AGBL3: variants seen among roughly 807,000 people sequenced by gnomAD.
The protein encoded by AGBL3 is AGBL carboxypeptidase 3.
A neutral mutation model predicts 94.5 loss-of-function variants in AGBL3; 68 were observed. The observed-to-expected ratio is 0.72, with a 90% confidence interval of 0.59 to 0.88. The LOEUF is 0.88. Among genes scored for constraint, AGBL3 ranks in the 40% least tolerant of loss-of-function variants. The pLI is 0.00. For synonymous variants in AGBL3, 354 were observed against 370.7 expected (o/e 0.95, Z 0.52); for missense variants, 934 against 1,103.8 (o/e 0.85, Z 2.18).
chr7:135,129,096 G>A lies in AGBL3; in HGVS notation c.2343-5745G>A, dbSNP rs1439196530. 8.8e-6 allele frequency: 14 copies of A among 1,591,950 alleles called. No individual in the cohort carries two copies. In the South Asian group the frequency reaches 1.5e-4, roughly 18 times the overall value. On this transcript the variant is annotated intron_variant, in intron 16 of 16. Coordinates refer to ENST00000436302, the MANE Select transcript of AGBL3 (RefSeq NM_178563.4). ...AAAGTGCCCTTCAGTGGCCACTACT[G>A]GTCAGGTCAAAGAGCTAGTGGAAGC...
intron 15 of AGBL3, among the ~76,000 whole-genome samples, chr7:135,087,951 A>C (rs1395657805): frequency 6.6e-6 from 1 of 152,010 alleles, no homozygotes; most frequent in African/African-American, 2.4e-5. Context: ...ATCAAATTCT[A>C]TCTCTCCCTT....
chr7:135,128,552 T>C, intron 16 of AGBL3: 1 of 768,130 alleles, frequency 1.3e-6, no homozygotes, highest in East Asian at 2.4e-5. Flanking sequence ...AACCAGGATC[T>C]ATTTGGATTT....
intron 16 of AGBL3, among the ~76,000 whole-genome samples, chr7:135,118,994 A>G (rs1290470045): frequency 6.6e-6 from 1 of 152,188 alleles, no homozygotes; most frequent in Admixed American, 6.5e-5. Context: ...ATAGGCTTAA[A>G]ATAAAATGAA....
rs571755028 is a variant in AGBL3 at position 135,036,179 on chromosome 7, G to A, written c.1338-1239G>A. Among the ~76,000 whole-genome samples, 18 of 152,154 alleles carry A rather than the reference G, an allele frequency of 1.2e-4. No individual in the cohort carries two copies. The South Asian group carries it at 3.7e-3, about 31-fold the overall frequency. On this transcript the variant is annotated intron_variant, in intron 7 of 16. Coordinates refer to ENST00000436302, the MANE Select transcript of AGBL3 (RefSeq NM_178563.4). ...TTTCCAGATATAGCAAATAGTATAT[G>A]TAATTTTGATTAGTTAAGTAATAAT... is the stretch of plus-strand genomic sequence containing the variant.
At chr7:135,066,165 A>C (rs1023795379) in intron 12 of AGBL3, among the ~76,000 whole-genome samples, 1 of 152,228 alleles carries the variant, frequency 6.6e-6, no homozygotes, top group Non-Finnish European at 1.5e-5. Flanking sequence ...ACAACCAAGA[A>C]AATATTTAAT....
intron 12 of AGBL3, among the ~76,000 whole-genome samples, chr7:135,071,145 C>A (rs994860679): frequency 6.6e-6 from 1 of 152,036 alleles, no homozygotes; most frequent in African/African-American, 2.4e-5. Flanking sequence ...GAATAAAATA[C>A]CTAGGAATCC....
chr7:135,078,327 T>C (rs1366356081), intron 13 of AGBL3, among the ~76,000 whole-genome samples: 1 of 152,208 alleles, frequency 6.6e-6, no homozygotes, highest in African/African-American at 2.4e-5. Flanking sequence ...GGAGCAGAGA[T>C]GGCTATAAAG....
chr7:135,132,809 A>G (rs1271664213), intron 16 of AGBL3, among the ~76,000 whole-genome samples: 1 of 152,154 alleles, frequency 6.6e-6, no homozygotes, highest in African/African-American at 2.4e-5. Context: ...GCCATGTGGA[A>G]CTGTGAGTCA....
intron 16 of AGBL3, among the ~76,000 whole-genome samples, chr7:135,123,503 G>A (rs1178250553): frequency 5.9e-5 from 9 of 152,130 alleles, no homozygotes; most frequent in South Asian, 2.1e-4. Context: ...CTCCAACCTC[G>A]CAAGACAGGC....
chr7:135,119,234 AT>A (rs965976239), intron 16 of AGBL3, among the ~76,000 whole-genome samples: 134 of 148,034 alleles, frequency 9.1e-4, no homozygotes, highest in East Asian at 2.4e-3. Flanking sequence ...CAAAATTTAA[AT>A]TTTTTTTTTT....
chr7:135,051,252 C>T lies in AGBL3; in HGVS notation c.1841+5341C>T, dbSNP rs1817848544. The T allele has an allele frequency of 1.5e-5, 3 of 195,258 alleles. No individual in the cohort carries two copies. In the South Asian group the frequency reaches 2.4e-4, roughly 16 times the overall value. 12.1% of individuals were successfully genotyped at this position (195,258 alleles called of 1,614,324 possible). On this transcript the variant is annotated intron_variant, in intron 11 of 16. Transcript: ENST00000436302. ...TTGAGTTAGTGCCCCTGCAACCTTC[C>T]CTGGTGACTAATATGTTTGTTTCCA... is the stretch of plus-strand genomic sequence containing the variant.
chr7:135,043,926 A>G, intron 8 of AGBL3, 99 bp from the exon 9 acceptor site: 1 of 1,413,392 alleles, frequency 7.1e-7, no homozygotes, highest in South Asian at 1.5e-5. Flanking sequence ...AGTGAGAATT[A>G]TAGACTTTGC....
intron 12 of AGBL3, among the ~76,000 whole-genome samples, chr7:135,070,271 T>G (rs1176681673): frequency 2.0e-5 from 3 of 152,112 alleles, no homozygotes; most frequent in Non-Finnish European, 4.4e-5. Flanking sequence ...ACCAGATGGA[T>G]TCACAGCCGA....
intron 16 of AGBL3, among the ~76,000 whole-genome samples, chr7:135,123,398 A>T (rs1827415553): frequency 1.3e-5 from 2 of 152,238 alleles, no homozygotes; most frequent in East Asian, 3.8e-4. Flanking sequence ...GACTTCATAA[A>T]AAGACTAAAC....
chr7:135,079,910 G>A (rs1306645077), intron 13 of AGBL3, among the ~76,000 whole-genome samples: 2 of 151,132 alleles, frequency 1.3e-5, no homozygotes, highest in African/African-American at 4.9e-5. Context: ...CCATTTTTTT[G>A]TCTCTTTCTC....
chr7:135,036,173 G>T (rs1201848525), intron 7 of AGBL3, among the ~76,000 whole-genome samples: 1 of 151,992 alleles, frequency 6.6e-6, no homozygotes, highest in Admixed American at 6.6e-5. Context: ...ATAGCAAATA[G>T]TATATGTAAT....
intron 13 of AGBL3, among the ~76,000 whole-genome samples, chr7:135,077,162 A>G (rs557476958): frequency 8.3e-6 from 1 of 121,120 alleles, no homozygotes; most frequent in East Asian, 2.0e-4. Context: ...GGATATCAGT[A>G]TGTCTTATTC....
At position 135,135,164 on chromosome 7, in the gene AGBL3, A is replaced by C. The variant is rs1295556026; in HGVS notation, c.2666A>C (p.Lys889Thr). The change falls in exon 17 of 17, where the codon AAG (lysine) becomes ACG (threonine). Residue 889 changes from lysine to threonine, a missense_variant. Coordinates refer to ENST00000436302, the MANE Select transcript of AGBL3 (RefSeq NM_178563.4). ...QAEETNQQSSKHTALHLTKNK... is the reference protein window; with the variant it reads ...QAEETNQQSSTHTALHLTKNK... ...GAAGAAACTAACCAGCAAAGCTCTA[A>C]GCATACAGCCCTCCATCTAACTAAA... is the stretch of plus-strand genomic sequence containing the variant. 1.9e-6 allele frequency: 3 copies of C among 1,551,002 alleles called. No homozygotes were observed. In the African/African-American group the frequency reaches 4.1e-5, roughly 21 times the overall value.
At chr7:135,133,354 C>T (rs1221244911) in intron 16 of AGBL3, among the ~76,000 whole-genome samples, 6 of 152,160 alleles carry the variant, frequency 3.9e-5, no homozygotes, top group Non-Finnish European at 5.9e-5. Context: ...GTCAGTTCTT[C>T]CCAGCTTAAT....
Sources: gnomAD v4.1 joint callset for allele counts (sites outside exome capture counted in the v4.1 genomes callset) on GRCh38, gnomAD v4.1.1 for gene constraint, MANE v1.5 for transcripts, NCBI Gene and HGNC (gene_info 2026-07-23, HGNC 2026-07-21) for gene names.